Variants in ZNG1E observed in about 807,000 individuals in gnomAD.
ZNG1E encodes the protein zinc-regulated GTPase metalloprotein activator 1E.
the ZNG1E span, among the ~76,000 whole-genome samples, chr9:65,685,150 T>G: frequency 6.6e-6 from 1 of 152,268 alleles, no homozygotes; most frequent in Non-Finnish European, 1.5e-5. Context: ...TTAAAAATAT[T>G]TATGGCTAAA....
the ZNG1E span, among the ~76,000 whole-genome samples, chr9:65,722,650 C>T: frequency 2.3e-5 from 2 of 86,818 alleles, no homozygotes; most frequent in African/African-American, 4.7e-5. Context: ...CATGCCTCAG[C>T]CTCCTGAGTA....
chr9:65,704,346 G>A, the ZNG1E span: 1 of 64,256 alleles, frequency 1.6e-5, no homozygotes, highest in Non-Finnish European at 1.9e-5. Flanking sequence ...TAAACATGCA[G>A]TGATTGATTT....
chr9:65,684,540 A>ACACACGCACACGCACACG, the ZNG1E span, among the ~76,000 whole-genome samples: 50 of 141,780 alleles, frequency 3.5e-4, 1 homozygote, highest in African/African-American at 1.0e-3. Context: ...GTATACACAC[A>ACACACGCACACGCACACG]CACACGCACG....
At chr9:65,709,412 T>A in the ZNG1E span, among the ~76,000 whole-genome samples, 8 of 147,232 alleles carry the variant, frequency 5.4e-5, no homozygotes, top group African/African-American at 2.1e-4. Flanking sequence ...GCAGGTTAGT[T>A]ACATATGTAT....
chr9:65,658,432 T>C, the ZNG1E span, among the ~76,000 whole-genome samples: 1 of 150,942 alleles, frequency 6.6e-6, no homozygotes, highest in Non-Finnish European at 1.5e-5. Context: ...AAGAAAAAAA[T>C]TAAAGGACTA....
chr9:65,727,320 A>G, the ZNG1E span, among the ~76,000 whole-genome samples: 1 of 149,190 alleles, frequency 6.7e-6, no homozygotes, highest in Non-Finnish European at 1.5e-5. Context: ...CAAAAGTACA[A>G]TTAGAAAAAC....
At chr9:65,691,636 T>C in the ZNG1E span, among the ~76,000 whole-genome samples, 5 of 152,260 alleles carry the variant, frequency 3.3e-5, no homozygotes, top group Non-Finnish European at 7.3e-5. Flanking sequence ...TTGATTTATG[T>C]CCTTAATGTA....
the ZNG1E span, chr9:65,704,688 G>A: frequency 3.1e-5 from 16 of 524,302 alleles, 1 homozygote; most frequent in East Asian, 5.7e-4. Flanking sequence ...CAAGGTGGGC[G>A]GATCACGAGG....
At chr9:65,703,563 G>T in the ZNG1E span, 5 of 957,100 alleles carry the variant, frequency 5.2e-6, 1 homozygote, top group African/African-American at 4.4e-5. Flanking sequence ...AAATTTCTGT[G>T]CAGGGATATT....
chr9:65,684,550 G>GCACACGCGCA, the ZNG1E span, among the ~76,000 whole-genome samples: 82 of 132,756 alleles, frequency 6.2e-4, no homozygotes, highest in African/African-American at 2.4e-3. Flanking sequence ...ACACACGCAC[G>GCACACGCGCA]CACACACACA....
chr9:65,662,065 G>A, the ZNG1E span, among the ~76,000 whole-genome samples: 9 of 152,200 alleles, frequency 5.9e-5, no homozygotes, highest in Non-Finnish European at 8.8e-5. Flanking sequence ...GAACCCTGCT[G>A]ACAAAGTTAA....
the ZNG1E span, chr9:65,690,977 T>C: frequency 5.0e-6 from 8 of 1,603,910 alleles, no homozygotes; most frequent in South Asian, 7.8e-5. Flanking sequence ...GTGCAGTGAC[T>C]TCTATGTTTT....
At chr9:65,671,564 C>T in the ZNG1E span, among the ~76,000 whole-genome samples, 2 of 152,316 alleles carry the variant, frequency 1.3e-5, no homozygotes, top group African/African-American at 2.4e-5. Context: ...AGGTGATCCA[C>T]CCGCCCTGGC....
chr9:65,687,307 G>A, the ZNG1E span, among the ~76,000 whole-genome samples: 17 of 141,758 alleles, frequency 1.2e-4, no homozygotes, highest in African/African-American at 4.1e-4. Context: ...TACCAGTACT[G>A]TTGCTTCTCC....
chr9:65,671,733 A>C, the ZNG1E span, among the ~76,000 whole-genome samples: 1 of 150,392 alleles, frequency 6.6e-6, no homozygotes, highest in Admixed American at 6.7e-5. Context: ...GGAGAAGAAA[A>C]AAAAAAACTC....
the ZNG1E span, among the ~76,000 whole-genome samples, chr9:65,686,879 GAGTT>G: frequency 6.6e-6 from 1 of 152,264 alleles, no homozygotes; most frequent in Non-Finnish European, 1.5e-5. Context: ...GAACTGAAGA[GAGTT>G]AGGGTTGCTC....
At chr9:65,678,057 A>G in the ZNG1E span, among the ~76,000 whole-genome samples, 42 of 149,832 alleles carry the variant, frequency 2.8e-4, no homozygotes, top group African/African-American at 9.3e-4. Flanking sequence ...TCTGTAACGT[A>G]TTAGAAACCT....
At chr9:65,664,532 C>A in the ZNG1E span, among the ~76,000 whole-genome samples, 1 of 77,406 alleles carries the variant, frequency 1.3e-5, no homozygotes, top group Non-Finnish European at 2.6e-5. Context: ...ACTGTAAGTC[C>A]AATAAACCTC....
the ZNG1E span, among the ~76,000 whole-genome samples, chr9:65,658,116 A>T: frequency 0.014 from 1,859 of 128,896 alleles, 11 homozygotes; most frequent in African/African-American, 0.046. Context: ...AAAAAAAAAA[A>T]CTTATGTTCC....
Sources: allele counts gnomAD v4.1 joint callset (sites outside exome capture counted in the v4.1 genomes callset), GRCh38; gene constraint gnomAD v4.1.1; transcripts MANE v1.5; gene names NCBI Gene and HGNC (gene_info 2026-07-23, HGNC 2026-07-21).